Variants in DZIP3 observed in about 807,000 individuals in gnomAD.
DZIP3 encodes DAZ interacting zinc finger protein 3.
A neutral mutation model predicts 162.0 loss-of-function variants in DZIP3; 118 were observed. The observed-to-expected ratio is 0.73, with a 90% confidence interval of 0.63 to 0.85. The LOEUF is 0.85. DZIP3 is among the 40% of genes least tolerant of loss of function. The pLI, the probability that DZIP3 is intolerant of heterozygous loss-of-function variation, is 0.00. For missense variants in DZIP3, 1,331 were observed against 1,407.0 expected (o/e 0.95, Z 0.86); for synonymous variants, 438 against 458.6 (o/e 0.96, Z 0.57).
At chr3:108,645,546 A>C (rs1031459828) in intron 14 of DZIP3, among the ~76,000 whole-genome samples, 8 of 152,296 alleles carry the variant, frequency 5.3e-5, no homozygotes, top group African/African-American at 1.9e-4. Context: ...CTTCTCAGCT[A>C]TTCTTTTGGA....
intron 32 of DZIP3, 152 bp downstream of exon 32, chr3:108,691,055 G>A (rs920262311): frequency 2.2e-5 from 13 of 593,628 alleles, no homozygotes; most frequent in South Asian, 2.2e-4. Flanking sequence ...AAATCTTCAG[G>A]ACTTGTGAAA....
chr3:108,653,166 T>C (rs1245364492), intron 18 of DZIP3, among the ~76,000 whole-genome samples: 3 of 151,906 alleles, frequency 2.0e-5, no homozygotes, highest in Non-Finnish European at 4.4e-5. Context: ...ATTGATTTCA[T>C]CGAACTTTTC....
chr3:108,689,976 A>C (rs964784204), intron 31 of DZIP3, among the ~76,000 whole-genome samples: 1 of 152,212 alleles, frequency 6.6e-6, no homozygotes, highest in African/African-American at 2.4e-5. Flanking sequence ...TATTTGCTCT[A>C]ATATGAAGAT....
rs531364524 is a variant in DZIP3, at chr3:108,653,742, CA to C, written c.2034-401del. 3.3e-5 allele frequency among the ~76,000 whole-genome samples: 5 copies of C among 151,690 alleles called. No individual in the cohort carries two copies. The South Asian group carries it at 1.0e-3, about 32-fold the overall frequency. On this transcript the variant is annotated intron_variant, in intron 18 of 32. Coordinates refer to ENST00000361582, the MANE Select transcript of DZIP3 (RefSeq NM_014648.4). ...AAGTTGCTTAAACCAACCTACTTGT[CA>C]AGAAAATTAAGGGGGAACAAAGAAT...
At chr3:108,644,813 A>T in intron 14 of DZIP3, 32 bp downstream of exon 14, 1 of 1,568,814 alleles carries the variant, frequency 6.4e-7, no homozygotes, top group Non-Finnish European at 8.6e-7. Context: ...CAGCCAATAA[A>T]CTTCCATTGA....
chr3:108,605,573 C>G, intron 2 of DZIP3, 135 bp downstream of exon 2: 1 of 871,510 alleles, frequency 1.1e-6, no homozygotes, highest in Non-Finnish European at 1.8e-6. Flanking sequence ...GCATTAGATT[C>G]TCACAAGGAG....
chr3:108,624,094 G>A (rs1241142717), intron 5 of DZIP3, among the ~76,000 whole-genome samples: 2 of 152,144 alleles, frequency 1.3e-5, no homozygotes, highest in African/African-American at 4.8e-5. Context: ...TCACTCACCT[G>A]ATTTTTGTTT....
intron 5 of DZIP3, among the ~76,000 whole-genome samples, 189 bp downstream of exon 5, chr3:108,616,846 A>G (rs2107531171): frequency 6.6e-6 from 1 of 152,270 alleles, no homozygotes; most frequent in Non-Finnish European, 1.5e-5. Flanking sequence ...CTGGTAGATG[A>G]CTTATGTATG....
chr3:108,619,163 T>G (rs375753875), intron 5 of DZIP3, among the ~76,000 whole-genome samples: 28 of 150,574 alleles, frequency 1.9e-4, no homozygotes, highest in African/African-American at 5.9e-4. Flanking sequence ...GAAATCTTGA[T>G]GAAAAAGGGT....
chr3:108,669,540 G>A, intron 21 of DZIP3, 141 bp from the exon 22 acceptor site: 1 of 638,704 alleles, frequency 1.6e-6, no homozygotes, highest in Non-Finnish European at 2.7e-6. Flanking sequence ...AGGTATAGGA[G>A]TTCAGTTGTA....
chr3:108,642,990 C>T (rs1469028518), intron 13 of DZIP3, among the ~76,000 whole-genome samples: 1 of 152,150 alleles, frequency 6.6e-6, no homozygotes, highest in Non-Finnish European at 1.5e-5. Context: ...TTAAGGGACC[C>T]TGGGCCCATA....
intron 26 of DZIP3, among the ~76,000 whole-genome samples, chr3:108,682,831 C>T (rs1267557681): frequency 1.3e-5 from 2 of 150,488 alleles, no homozygotes; most frequent in Non-Finnish European, 2.9e-5. Flanking sequence ...ATCGTTACAC[C>T]ATACATGTAT....
intron 24 of DZIP3, among the ~76,000 whole-genome samples, chr3:108,675,286 G>A (rs111956595): frequency 2.0e-3 from 302 of 152,058 alleles, no homozygotes; most frequent in African/African-American, 6.2e-3. Context: ...AACCTCATTC[G>A]TACTCAAATA....
intron 5 of DZIP3, among the ~76,000 whole-genome samples, chr3:108,620,162 G>A (rs1487306943): frequency 1.3e-5 from 2 of 151,992 alleles, no homozygotes; most frequent in Admixed American, 6.6e-5. Flanking sequence ...CAGCATATAC[G>A]GCCACCTCCA....
chr3:108,652,748 T>A (rs1942921688), intron 18 of DZIP3, among the ~76,000 whole-genome samples: 1 of 151,956 alleles, frequency 6.6e-6, no homozygotes, highest in Non-Finnish European at 1.5e-5. Context: ...TTATGTTTTA[T>A]ATTGTATTTT....
chr3:108,605,484 G>A (rs760900250), intron 2 of DZIP3, 46 bp downstream of exon 2: 29 of 1,596,706 alleles, frequency 1.8e-5, no homozygotes, highest in South Asian at 9.0e-5. Flanking sequence ...GACTGGTTTC[G>A]TGGAAAACAA....
At chr3:108,653,681 A>G (rs1360470814) in intron 18 of DZIP3, among the ~76,000 whole-genome samples, 2 of 151,614 alleles carry the variant, frequency 1.3e-5, no homozygotes, top group Non-Finnish European at 1.5e-5. Context: ...GCTGTTTTCA[A>G]CTCTCTATTT....
intron 29 of DZIP3, 132 bp from the exon 30 acceptor site, chr3:108,688,461 T>A: frequency 9.6e-7 from 1 of 1,041,144 alleles, no homozygotes; most frequent in Non-Finnish European, 1.4e-6. Context: ...CACCATTTTG[T>A]TCAAGATTTC....
chr3:108,640,334 A>G (rs1482581825), intron 12 of DZIP3, among the ~76,000 whole-genome samples: 3 of 140,022 alleles, frequency 2.1e-5, no homozygotes, highest in South Asian at 2.2e-4. Context: ...TTTTTTGTCT[A>G]CTGTCTAATT....
Sources: allele counts gnomAD v4.1 joint callset (sites outside exome capture counted in the v4.1 genomes callset), GRCh38; gene constraint gnomAD v4.1.1; transcripts MANE v1.5; gene names NCBI Gene and HGNC (gene_info 2026-07-23, HGNC 2026-07-21).